ANAPC10: variants seen among roughly 807,000 people sequenced by gnomAD.
ANAPC10 encodes anaphase-promoting complex subunit 10.
ANAPC10 carries 12 observed loss-of-function variants against 22.0 expected under a neutral mutation model. The observed-to-expected ratio is 0.55, with a 90% confidence interval of 0.35 to 0.88. ANAPC10 has a LOEUF of 0.88. ANAPC10 is among the 40% of genes least tolerant of loss of function. The pLI, the probability that ANAPC10 is intolerant of heterozygous loss-of-function variation, is 0.01. For synonymous variants in ANAPC10, 65 were observed against 69.5 expected (o/e 0.94, Z 0.32); for missense variants, 188 against 220.9 (o/e 0.85, Z 0.94).
chr4:144,996,532 C>T (rs941140555), intron 4 of ANAPC10, among the ~76,000 whole-genome samples: 4 of 152,138 alleles, frequency 2.6e-5, no homozygotes, highest in African/African-American at 9.7e-5. Flanking sequence ...ACCACACTCC[C>T]CACAGCTTCT....
At chr4:145,056,901 G>C (rs769850255) in intron 4 of ANAPC10, among the ~76,000 whole-genome samples, 1 of 152,118 alleles carries the variant, frequency 6.6e-6, no homozygotes, top group African/African-American at 2.4e-5. Context: ...GTTAAATAAA[G>C]GGTTTTTAGA....
intron 4 of ANAPC10, among the ~76,000 whole-genome samples, chr4:145,004,244 G>A (rs1733008138): frequency 6.6e-6 from 1 of 152,088 alleles, no homozygotes; most frequent in Admixed American, 6.6e-5. Flanking sequence ...TTGGGGCAGA[G>A]TAACTATGGT....
chr4:145,090,643 T>C (rs886638682), intron 2 of ANAPC10, among the ~76,000 whole-genome samples: 1 of 152,252 alleles, frequency 6.6e-6, no homozygotes, highest in Non-Finnish European at 1.5e-5. Flanking sequence ...AATCTTTCTG[T>C]ACTAGTTTCC....
chr4:145,038,903 C>T (rs178606), intron 4 of ANAPC10, among the ~76,000 whole-genome samples: 5 of 31,560 alleles, frequency 1.6e-4, no homozygotes, highest in Non-Finnish European at 1.9e-4. Flanking sequence ...ACAGATACTT[C>T]TGATGACGAG....
At chr4:145,082,774 T>C (rs1167849220) in intron 2 of ANAPC10, among the ~76,000 whole-genome samples, 1 of 152,168 alleles carries the variant, frequency 6.6e-6, no homozygotes, top group Non-Finnish European at 1.5e-5. Context: ...TCATACTAAT[T>C]TTAGAAATGA....
Position 145,063,816 on chromosome 4 carries a change from G to A in ANAPC10, c.327+756C>T, listed in dbSNP as rs192367652. Among the ~76,000 whole-genome samples the A allele has an allele frequency of 8.5e-5, 13 of 152,068 alleles. No individual in the cohort carries two copies. The East Asian group carries it at 2.3e-3, about 27-fold the overall frequency. The stretch of plus-strand genomic sequence containing the variant: ...GAAGCAGTGACACATTCAACTACGT[G>A]GACAAATCTCAAAAACCCTAGGCTG... On this transcript the variant is annotated intron_variant, in intron 4 of 4. Transcript: ENST00000507656.
intron 4 of ANAPC10, among the ~76,000 whole-genome samples, chr4:145,023,762 G>C (rs1032525593): frequency 6.6e-6 from 1 of 152,136 alleles, no homozygotes; most frequent in African/African-American, 2.4e-5. Context: ...CCTTAATGTT[G>C]ATGGCTACTG....
chr4:145,044,542 G>A (rs1194056915), intron 4 of ANAPC10, among the ~76,000 whole-genome samples: 2 of 152,010 alleles, frequency 1.3e-5, no homozygotes, highest in Non-Finnish European at 2.9e-5. Context: ...TTCCAGGACA[G>A]TTACAGGACA....
intron 4 of ANAPC10, among the ~76,000 whole-genome samples, chr4:144,999,755 C>T (rs140523535): frequency 7.9e-5 from 12 of 151,986 alleles, no homozygotes; most frequent in African/African-American, 2.2e-4. Flanking sequence ...GACAATCCTA[C>T]GCAAAAAGAA....
intron 2 of ANAPC10, among the ~76,000 whole-genome samples, chr4:145,094,680 T>G (rs1157543040): frequency 2.0e-5 from 3 of 151,988 alleles, no homozygotes; most frequent in Non-Finnish European, 4.4e-5. Flanking sequence ...AGTCTGCAGG[T>G]GAAAACTGCC....
At chr4:145,033,053 T>A (rs1737859216) in intron 4 of ANAPC10, 1 of 152,190 alleles carries the variant, frequency 6.6e-6, no homozygotes, top group Non-Finnish European at 1.5e-5. Flanking sequence ...ATGTTCCCCA[T>A]CATCCTGAAG....
At position 145,059,460 on chromosome 4, in the gene ANAPC10, G is replaced by A. The variant is rs34878646; in HGVS notation, c.327+5112C>T. On this transcript the variant is annotated intron_variant, in intron 4 of 4. Transcript: ENST00000507656. ...CTTGGTAACAGCTTTATTATCTGAA[G>A]ACAAAAACAGAGCTTAAAATTCACT... Among the ~76,000 whole-genome samples, 92 of 152,138 alleles carry A rather than the reference G, an allele frequency of 6.0e-4. No individual in the cohort carries two copies. In the East Asian group the frequency reaches 0.017, roughly 28 times the overall value.
intron 4 of ANAPC10, among the ~76,000 whole-genome samples, chr4:145,002,921 T>C (rs1732788401): frequency 2.0e-5 from 3 of 152,076 alleles, no homozygotes; most frequent in South Asian, 2.1e-4. Flanking sequence ...TAAAGGTAAA[T>C]TGCATATCAT....
chr4:145,035,694 T>C (rs1481804850), intron 4 of ANAPC10, among the ~76,000 whole-genome samples: 1 of 152,252 alleles, frequency 6.6e-6, no homozygotes, highest in African/African-American at 2.4e-5. Flanking sequence ...TTCCAGATTG[T>C]TTTTGTTCCC....
At chr4:145,078,975 T>C (rs2126572864) in intron 3 of ANAPC10, among the ~76,000 whole-genome samples, 1 of 152,138 alleles carries the variant, frequency 6.6e-6, no homozygotes, top group African/African-American at 2.4e-5. Flanking sequence ...TAGGACCTAA[T>C]AAAGACTTCA....
chr4:145,012,460 T>C (rs1734498394), intron 4 of ANAPC10, among the ~76,000 whole-genome samples: 1 of 151,990 alleles, frequency 6.6e-6, no homozygotes, highest in East Asian at 1.9e-4. Flanking sequence ...ATCTGAGAAT[T>C]AGAATACACT....
chr4:145,054,603 TAGTG>T (rs1423441066), intron 4 of ANAPC10, among the ~76,000 whole-genome samples: 1 of 65,686 alleles, frequency 1.5e-5, no homozygotes, highest in Non-Finnish European at 2.7e-5. Context: ...ACATACTGAA[TAGTG>T]TGTGTGTGTG....
At chr4:145,041,381 T>G (rs1739495973) in intron 4 of ANAPC10, among the ~76,000 whole-genome samples, 1 of 152,220 alleles carries the variant, frequency 6.6e-6, no homozygotes, top group Non-Finnish European at 1.5e-5. Flanking sequence ...AGAAAAATGT[T>G]TTAACTTGTT....
intron 4 of ANAPC10, among the ~76,000 whole-genome samples, chr4:145,012,176 G>GTA (rs111592959): frequency 0.25 from 35,247 of 140,424 alleles, 4,495 homozygotes; most frequent in Non-Finnish European, 0.31. Flanking sequence ...GTGTGTGTGT[G>GTA]TATATATATA....
Sources: allele counts gnomAD v4.1 joint callset (sites outside exome capture counted in the v4.1 genomes callset), GRCh38; gene constraint gnomAD v4.1.1; transcripts MANE v1.5; gene names NCBI Gene and HGNC (gene_info 2026-07-23, HGNC 2026-07-21).